The following ACLY variants were observed in gnomAD, a reference collection of about 807,000 sequenced individuals.
ACLY encodes the protein ATP-citrate synthase.
A neutral mutation model predicts 133.0 loss-of-function variants in ACLY; 41 were observed. The observed-to-expected ratio is 0.31, with a 90% CI of 0.24 to 0.40. The LOEUF (loss-of-function observed/expected upper bound fraction) is 0.40, where lower values mean the gene tolerates loss of function less well. ACLY is among the 10% of genes least tolerant of loss of function. The pLI, the probability that ACLY is intolerant of heterozygous loss-of-function variation, is 1.00. For synonymous variants in ACLY, 495 were observed against 549.3 expected (o/e 0.90, Z 1.38); for missense variants, 1,046 against 1,453.8 (o/e 0.72, Z 4.56).
At chr17:41,924,568 A>G (rs1240206014) in intron 1 of ACLY, among the ~76,000 whole-genome samples, 3 of 152,158 alleles carry the variant, frequency 2.0e-5, no homozygotes, top group Admixed American at 6.6e-5. Context: ...CACCCTGTGA[A>G]GAGCCAAGGA....
rs1319130619 is a variant in ACLY, at chr17:41,892,537, T to C, written c.1602-90A>G. On this transcript the variant is annotated intron_variant, in intron 15 of 28. Coordinates refer to ENST00000352035, the MANE Select transcript of ACLY (RefSeq NM_001096.3). The stretch of plus-strand genomic sequence containing the variant: ...GAGGGGAGGAATTTCACCTAGAAGA[T>C]AGAAAAGGCATGGTCTGTGCCCTCA... The C allele has an allele frequency of 2.1e-5, 25 of 1,199,380 alleles. No individual in the cohort carries two copies. The East Asian group carries it at 2.1e-4, about 10-fold the overall frequency. The allele number at this position is 1,199,380 out of a possible 1,614,324, so 74.3% of individuals were successfully genotyped here. A position where few individuals can be genotyped will look rare whatever the true frequency, so the allele number is the denominator to read the frequency against.
At position 41,871,578 on chromosome 17, in the gene ACLY, C is replaced by T. The variant is rs1555625030; in HGVS notation, c.2937+111G>A. 2.9e-6 allele frequency: 4 copies of T among 1,357,348 alleles called. No individual in the cohort carries two copies. In the South Asian group the frequency reaches 3.8e-5, roughly 13 times the overall value. The allele number at this position is 1,357,348 out of a possible 1,614,324, so 84.1% of individuals were successfully genotyped here. On this transcript the variant is annotated intron_variant, in intron 25 of 28. Transcript: ENST00000352035. The stretch of plus-strand genomic sequence containing the variant: ...CCATGTTGGTCAGGCTGGTCTCCAA[C>T]TCCCGACCTCAAGTGATCCACCTGC...
chr17:41,883,316 G>A lies in ACLY; in HGVS notation c.2155-84C>T, dbSNP rs141894095. 119 of 1,150,990 alleles carry A rather than the reference G, an allele frequency of 1.0e-4. No individual in the cohort carries two copies. The African/African-American group carries it at 1.5e-3, about 14-fold the overall frequency. 71.3% of individuals were successfully genotyped at this position (1,150,990 alleles called of 1,614,324 possible). A position where few individuals can be genotyped will look rare whatever the true frequency, so the allele number is the denominator to read the frequency against. Reference sequence around the variant, plus strand: ...AACTGGATAGAAAATGGAGTGACACGGGCTTTGGCCAAATAAAAGGAGTTT... The same window carrying A: ...AACTGGATAGAAAATGGAGTGACACAGGCTTTGGCCAAATAAAAGGAGTTT... On this transcript the variant is annotated intron_variant, in intron 19 of 28. Coordinates refer to ENST00000352035, the MANE Select transcript of ACLY (RefSeq NM_001096.3).
intron 6 of ACLY, among the ~76,000 whole-genome samples, chr17:41,908,452 GCA>G (rs2049791610): frequency 6.6e-6 from 1 of 152,260 alleles, no homozygotes; most frequent in South Asian, 2.1e-4. Context: ...AGGAGCAGAA[GCA>G]CACAGTCAGA....
At position 41,913,811 on chromosome 17, in the gene ACLY, G is replaced by A. The variant is rs782464115; in HGVS notation, c.63C>T (p.Thr21=). 1.9e-6 allele frequency: 3 copies of A among 1,614,238 alleles called. No individual in the cohort carries two copies. The highest frequency in any genetic ancestry group is 1.1e-5 in the South Asian group (1 of 91,086). ...TGAACCGATTCTGGATGGCTGAGGTGGTACAGATGAACTTGTAAAGGAGTT... is the reference window on the plus strand; with the variant it reads ...TGAACCGATTCTGGATGGCTGAGGTAGTACAGATGAACTTGTAAAGGAGTT... The part of the protein sequence containing the change: ...GKELLYKFIC[T]TSAIQNRFKY... The change falls in exon 2 of 29, where the codon ACC becomes ACT. Residue 21 remains threonine, a synonymous_variant. Transcript: ENST00000352035.
intron 8 of ACLY, 46 bp downstream of exon 8, chr17:41,906,482 C>A (rs1555632675): frequency 6.5e-7 from 1 of 1,542,154 alleles, no homozygotes; most frequent in Non-Finnish European, 9.0e-7. Context: ...CATGTTGATG[C>A]TGGGTAGACT....
chr17:41,927,892 T>C (rs2050262081), intron 1 of ACLY, among the ~76,000 whole-genome samples: 1 of 151,528 alleles, frequency 6.6e-6, no homozygotes, highest in South Asian at 2.1e-4. Context: ...AGCCTGGCAC[T>C]TTGAGAGGCC....
At chr17:41,930,485 C>T in exon 1 of ACLY, 1 of 473,428 alleles carries the variant, frequency 2.1e-6, no homozygotes, top group Non-Finnish European at 3.9e-6. Flanking sequence ...ACAGCAAACA[C>T]TAACCAGCCC....
Position 41,869,687 on chromosome 17 carries a change from C to T in ACLY, c.2938-100G>A, listed in dbSNP as rs578035027. The T allele has an allele frequency of 3.2e-4, 316 of 996,240 alleles. No individual in the cohort carries two copies. The African/African-American group carries it at 4.6e-3, about 15-fold the overall frequency. 61.7% of individuals were successfully genotyped at this position (996,240 alleles called of 1,614,324 possible). A position where few individuals can be genotyped will look rare whatever the true frequency, so the allele number is the denominator to read the frequency against. ...GTAGGTAGAACTGGACATATCCCAG[C>T]GGCGATTCAGGAACCTGGCCCACGT... is the stretch of plus-strand genomic sequence containing the variant. On this transcript the variant is annotated intron_variant, in intron 25 of 28. Coordinates refer to ENST00000352035, the MANE Select transcript of ACLY (RefSeq NM_001096.3).
Position 41,887,657 on chromosome 17 carries a change from G to T in ACLY, c.1817C>A (p.Thr606Lys), listed in dbSNP as rs1555628504. The change falls in exon 17 of 29, where the codon ACG becomes AAG. Residue 606 changes from threonine (T) to lysine (K), a missense_variant. This residue lies in a region of ACLY where 575 missense variants were observed against 804.2 expected (regional missense o/e 0.71). Coordinates refer to ENST00000352035, the MANE Select transcript of ACLY (RefSeq NM_001096.3). The part of the protein sequence containing the change: ...IIAEGIPEAL[T>K]RKLIKKADQK... ...GTCCGCCTTCTTGATCAGCTTTCTC[G>T]TGAGGGCCTCAGGGATGCCTTCAGC... 1 of 1,613,744 alleles carries T rather than the reference G, an allele frequency of 6.2e-7. No individual in the cohort carries two copies. Among genetic ancestry groups the T allele is most frequent in the South Asian group, 1.1e-5 (1 of 91,074 alleles).
At position 41,924,129 on chromosome 17, in the gene ACLY, TTTTA is replaced by T. The variant is rs1295419717; in HGVS notation, c.-28+6225_-28+6228del. On this transcript the variant is annotated intron_variant, in intron 1 of 3. Transcript: ENST00000592970. The stretch of plus-strand genomic sequence containing the variant: ...CGGCCCAGTTCTACTATTTTTTTCT[TTTTA>T]TTTATTTATTTTTTATTTATTTATT... Among the ~76,000 whole-genome samples, 7 of 140,600 alleles carry T rather than the reference TTTTA, an allele frequency of 5.0e-5. No individual in the cohort carries two copies. In the East Asian group the frequency reaches 1.2e-3, roughly 24 times the overall value. 92.2% of individuals were successfully genotyped at this position (140,600 alleles called of 152,430 possible).
chr17:41,894,796 G>A (rs1311554995), intron 14 of ACLY, among the ~76,000 whole-genome samples: 1 of 152,150 alleles, frequency 6.6e-6, no homozygotes, highest in Admixed American at 6.6e-5. Flanking sequence ...AAGTCCAAGA[G>A]GAGGAAAGCA....
intron 28 of ACLY, 74 bp downstream of exon 28, chr17:41,868,635 C>G: frequency 1.0e-6 from 1 of 990,870 alleles, no homozygotes; most frequent in Non-Finnish European, 1.5e-6. Context: ...AGAAACTCAA[C>G]CCCATGAGTA....
At chr17:41,907,858 C>T (rs1433974666) in intron 6 of ACLY, among the ~76,000 whole-genome samples, 3 of 152,216 alleles carry the variant, frequency 2.0e-5, no homozygotes, top group East Asian at 1.9e-4. Context: ...CAAAACGCTA[C>T]ACTCCCTGCT....
intron 20 of ACLY, among the ~76,000 whole-genome samples, chr17:41,879,307 T>C (rs1055475523): frequency 2.0e-5 from 3 of 151,842 alleles, no homozygotes; most frequent in African/African-American, 7.3e-5. Context: ...GGTTTCACTA[T>C]GTTGGCCAGG....
upstream of ACLY, among the ~76,000 whole-genome samples, chr17:41,922,928 T>G (rs1555635613): frequency 6.6e-6 from 1 of 152,196 alleles, no homozygotes. Flanking sequence ...ACGCCCAGCC[T>G]CCTCAAGTAA....
chr17:41,917,004 G>A (rs373051843), intron 1 of ACLY, among the ~76,000 whole-genome samples: 5 of 151,736 alleles, frequency 3.3e-5, no homozygotes, highest in African/African-American at 1.2e-4. Flanking sequence ...TTAGCCGGGC[G>A]TGGTGGTGCA....
At chr17:41,892,023 C>A (rs2049226482) in intron 16 of ACLY, among the ~76,000 whole-genome samples, 1 of 152,134 alleles carries the variant, frequency 6.6e-6, no homozygotes, top group African/African-American at 2.4e-5. Context: ...CTTTGTAAGC[C>A]CAGATAAGCA....
At position 41,869,672 on chromosome 17, in the gene ACLY, C is replaced by G. The variant is rs979827181; in HGVS notation, c.2938-85G>C. ...ATACTTGTGTTACAGGTAGGTAGAA[C>G]TGGACATATCCCAGCGGCGATTCAG... On this transcript the variant is annotated intron_variant, in intron 25 of 28. Transcript: ENST00000352035. 3 of 1,160,510 alleles carry G rather than the reference C, an allele frequency of 2.6e-6. No individual in the cohort carries two copies. In the African/African-American group the frequency reaches 4.5e-5, roughly 18 times the overall value. 71.9% of individuals were successfully genotyped at this position (1,160,510 alleles called of 1,614,324 possible).
Sources: allele counts gnomAD v4.1 joint callset (sites outside exome capture counted in the v4.1 genomes callset), GRCh38; gene constraint gnomAD v4.1.1; regional missense constraint gnomAD v4.1.1; transcripts MANE v1.5; gene names NCBI Gene and HGNC (gene_info 2026-07-23, HGNC 2026-07-21).